Variants in SMARCA5 observed in about 807,000 individuals in gnomAD.
The protein encoded by SMARCA5 is SNF2 related chromatin remodeling ATPase 5.
A neutral mutation model predicts 140.4 loss-of-function variants in SMARCA5; 18 were observed. The ratio of observed to expected loss-of-function variants is 0.13; its 90% CI spans 0.09 to 0.19. The LOEUF is 0.19. SMARCA5 is among the 10% of genes least tolerant of loss of function. SMARCA5 has a pLI of 1.00. For synonymous variants in SMARCA5, 449 were observed against 419.6 expected (o/e 1.07, Z -0.86); for missense variants, 606 against 1,276.8 (o/e 0.47, Z 8.01).
intron 1 of SMARCA5, among the ~76,000 whole-genome samples, chr4:143,515,945 T>C (rs1196118807): frequency 1.3e-5 from 2 of 152,092 alleles, no homozygotes; most frequent in Non-Finnish European, 2.9e-5. Flanking sequence ...ATCCATCTTA[T>C]CACTGACACA....
intron 19 of SMARCA5, 96 bp downstream of exon 19, chr4:143,546,143 T>C: frequency 1.1e-6 from 1 of 902,016 alleles, no homozygotes; most frequent in Non-Finnish European, 1.6e-6. Flanking sequence ...AAGTTTCTGC[T>C]TTTAAAGATG....
chr4:143,514,328 C>T (rs1736776915), intron 1 of SMARCA5: 4 of 499,290 alleles, frequency 8.0e-6, no homozygotes, highest in East Asian at 7.0e-5. Flanking sequence ...TTATTTGTCT[C>T]TTTCGTGAAT....
Position 143,528,594 on chromosome 4 carries a change from A to G in SMARCA5, c.969A>G (p.Ile323Met), listed in dbSNP as rs1036450902. 3 of 1,610,248 alleles carry G rather than the reference A, an allele frequency of 1.9e-6. No individual in the cohort carries two copies. Among genetic ancestry groups the G allele is most frequent in the Non-Finnish European group, 2.5e-6 (3 of 1,178,390 alleles). ...IKNEKSKLSE[I>M]VREFKTTNRL... ...TTCTTTTCTTTCAGTTGTCAGAAAT[A>G]GTGAGGGAATTCAAGACTACAAATA... is the stretch of plus-strand genomic sequence containing the variant. The change falls in exon 8 of 24, where the codon ATA becomes ATG. Residue 323 changes from isoleucine (I) to methionine (M), a missense_variant. Coordinates refer to ENST00000283131, the MANE Select transcript of SMARCA5 (RefSeq NM_003601.4).
chr4:143,554,832 A>G lies in SMARCA5; in HGVS notation c.*1648A>G. The G allele has an allele frequency of 5.1e-6, 1 of 194,316 alleles. No homozygotes were observed. The highest frequency in any genetic ancestry group is 9.6e-5 in the South Asian group (1 of 10,414). 12.0% of individuals were successfully genotyped at this position (194,316 alleles called of 1,614,324 possible). On this transcript the variant is annotated 3_prime_UTR_variant, in exon 24 of 24. Coordinates refer to ENST00000283131, the MANE Select transcript of SMARCA5 (RefSeq NM_003601.4). ...GGAGGTCACAAAAGTGATGTTTTCA[A>G]GAGGAGGAGAAACTGGGAGGGAGAT... is the stretch of plus-strand genomic sequence containing the variant.
chr4:143,546,971 A>C, intron 20 of SMARCA5, 63 bp downstream of exon 20: 1 of 1,510,422 alleles, frequency 6.6e-7, no homozygotes, highest in South Asian at 1.2e-5. Flanking sequence ...TTGTTTTCTT[A>C]TTCTGAATTA....
chr4:143,524,333 C>A, intron 3 of SMARCA5, 34 bp from the exon 4 acceptor site: 2 of 1,476,482 alleles, frequency 1.4e-6, no homozygotes, highest in East Asian at 2.3e-5. Flanking sequence ...AAAGCCAAAA[C>A]TCAAATCAGG....
chr4:143,531,898 T>A (rs932968526), intron 9 of SMARCA5, among the ~76,000 whole-genome samples: 6 of 152,236 alleles, frequency 3.9e-5, no homozygotes, highest in African/African-American at 1.4e-4. Context: ...CCAGCCAGGC[T>A]GAGGCTGGCC....
In SMARCA5 at chr4:143,555,939, A is replaced by C. The variant is rs1393253878; in HGVS notation, c.*2755A>C. On this transcript the variant is annotated 3_prime_UTR_variant, in exon 24 of 24. Coordinates refer to ENST00000283131, the MANE Select transcript of SMARCA5 (RefSeq NM_003601.4). ...ATTACATGTGTAAGCCTACATTCCAAAGTGCTGGGATCATAGTTGTGAGCC... is the reference window on the plus strand; with the variant it reads ...ATTACATGTGTAAGCCTACATTCCACAGTGCTGGGATCATAGTTGTGAGCC... 6.6e-6 allele frequency: 1 copy of C among 152,472 alleles called. No individual in the cohort carries two copies. Among genetic ancestry groups the C allele is most frequent in the East Asian group, 1.9e-4 (1 of 5,188 alleles). 9.4% of individuals were successfully genotyped at this position (152,472 alleles called of 1,614,324 possible).
At chr4:143,531,482 G>A (rs935030545) in intron 9 of SMARCA5, among the ~76,000 whole-genome samples, 20 of 152,276 alleles carry the variant, frequency 1.3e-4, no homozygotes, top group Admixed American at 1.2e-3. Context: ...TGACATTTTG[G>A]TCTGGGTATA....
chr4:143,534,500 G>A (rs1737264989), intron 9 of SMARCA5, among the ~76,000 whole-genome samples: 2 of 152,104 alleles, frequency 1.3e-5, no homozygotes, highest in South Asian at 4.1e-4. Flanking sequence ...TTCCCTAAAC[G>A]GTATAGTGTA....
chr4:143,525,159 G>A (rs1448222647), intron 4 of SMARCA5, among the ~76,000 whole-genome samples: 6 of 151,494 alleles, frequency 4.0e-5, no homozygotes, highest in African/African-American at 7.3e-5. Context: ...TTAAAAAGAC[G>A]AGAGGCCAAA....
intron 8 of SMARCA5, among the ~76,000 whole-genome samples, chr4:143,529,664 TTATG>T (rs1288590455): frequency 2.0e-5 from 3 of 152,220 alleles, no homozygotes; most frequent in Non-Finnish European, 4.4e-5. Context: ...AGCTGGCGTC[TTATG>T]TGTATTGGAG....
At chr4:143,518,072 G>GC (rs1292976818) in intron 2 of SMARCA5, among the ~76,000 whole-genome samples, 1 of 152,078 alleles carries the variant, frequency 6.6e-6, no homozygotes, top group Admixed American at 6.5e-5. Flanking sequence ...TGTTTATTCT[G>GC]CACTTGACTA....
intron 1 of SMARCA5, among the ~76,000 whole-genome samples, 192 bp from the exon 2 acceptor site, chr4:143,517,163 C>A (rs561244844): frequency 6.4e-4 from 97 of 152,198 alleles, no homozygotes; most frequent in Middle Eastern, 3.4e-3. Context: ...GGGTTAAATA[C>A]GTTGTTATCC....
intron 15 of SMARCA5, 69 bp downstream of exon 15, chr4:143,543,726 C>T: frequency 6.7e-7 from 1 of 1,497,182 alleles, no homozygotes; most frequent in South Asian, 1.2e-5. Flanking sequence ...ATATTTGTTA[C>T]ATTGATGATA....
chr4:143,532,506 C>G (rs79395653), intron 9 of SMARCA5, among the ~76,000 whole-genome samples: 1,801 of 152,242 alleles, frequency 0.012, 45 homozygotes, highest in African/African-American at 0.039. Flanking sequence ...GAGAAGAGGT[C>G]TTGTAGCTAC....
intron 2 of SMARCA5, among the ~76,000 whole-genome samples, chr4:143,518,031 G>T (rs951591883): frequency 6.6e-6 from 1 of 152,052 alleles, no homozygotes; most frequent in Non-Finnish European, 1.5e-5. Context: ...CCTTGGAAGC[G>T]AGGTGAAGAC....
chr4:143,538,964 C>A, intron 13 of SMARCA5, 26 bp downstream of exon 13: 1 of 1,603,106 alleles, frequency 6.2e-7, no homozygotes, highest in South Asian at 1.1e-5. Context: ...TAAATATATT[C>A]TGTGCTTAGT....
At position 143,514,097 on chromosome 4, in the gene SMARCA5, T is replaced by A; in HGVS notation, c.173T>A (p.Met58Lys). 1.9e-6 allele frequency: 3 copies of A among 1,544,922 alleles called. No homozygotes were observed. The South Asian group carries it at 3.5e-5, about 18-fold the overall frequency. ...AGCGCTGGTCCCGCAGACGCCGAGA[T>A]GGAGGTGAGGGCGACTTGCGGCATG... ...AASAGPADAE[M>K]EEIFDDASPG... Residue 58 changes from methionine to lysine, a missense_variant, in exon 1 of 24, where the codon ATG (methionine) becomes AAG (lysine). Coordinates refer to ENST00000283131, the MANE Select transcript of SMARCA5 (RefSeq NM_003601.4).
Sources: allele counts gnomAD v4.1 joint callset (sites outside exome capture counted in the v4.1 genomes callset), GRCh38; gene constraint gnomAD v4.1.1; transcripts MANE v1.5; gene names NCBI Gene and HGNC (gene_info 2026-07-23, HGNC 2026-07-21).